Variants in DCDC1 observed in about 807,000 individuals in gnomAD.
DCDC1 encodes doublecortin domain-containing protein 1.
Under a neutral mutation model 178.3 loss-of-function variants are expected in DCDC1, and 200 were observed. That is an observed-to-expected ratio of 1.12 (90% confidence interval 1.00 to 1.26). The LOEUF (loss-of-function observed/expected upper bound fraction) is 1.26, where lower values mean the gene tolerates loss of function less well. Ranked by LOEUF, DCDC1 falls within the 50% of genes most tolerant of loss-of-function variation. The probability of loss-of-function intolerance (pLI) is 0.00; values close to 1 mark genes in which losing one functional copy is unlikely to be tolerated. For missense variants in DCDC1, 1,983 were observed against 1,749.2 expected, an observed-to-expected ratio of 1.13 and a Z score of -2.38; for synonymous variants, 690 against 604.8, an observed-to-expected ratio of 1.14 and a Z score of -2.07.
At chr11:30,895,091 T>G (rs1031305400) in intron 34 of DCDC1, among the ~76,000 whole-genome samples, 3 of 152,252 alleles carry the variant, frequency 2.0e-5, no homozygotes, top group Admixed American at 2.0e-4. Context: ...TTTCTTTTTC[T>G]GTGTTGAAGA....
intron 1 of DCDC1, among the ~76,000 whole-genome samples, chr11:31,347,378 A>G (rs1950868050): frequency 6.6e-6 from 1 of 152,192 alleles, no homozygotes; most frequent in South Asian, 2.1e-4. Context: ...ATTAGTTCAA[A>G]ATCCCAAATT....
chr11:30,888,150 G>GAAAGAAAGAA (rs1554959156), intron 36 of DCDC1, among the ~76,000 whole-genome samples: 89 of 135,022 alleles, frequency 6.6e-4, no homozygotes, highest in African/African-American at 2.8e-3. Context: ...AAGAAAGAAA[G>GAAAGAAAGAA]AAAGAAAGAA....
At chr11:30,979,410 C>A (rs1420333713) in intron 20 of DCDC1, among the ~76,000 whole-genome samples, 1 of 152,156 alleles carries the variant, frequency 6.6e-6, no homozygotes, top group Non-Finnish European at 1.5e-5. Flanking sequence ...TTGCATAAAT[C>A]TTGCATTTCT....
chr11:31,106,992 G>C (rs1453829474), intron 12 of DCDC1, 32 bp from the exon 13 acceptor site: 1 of 736,910 alleles, frequency 1.4e-6, no homozygotes, highest in East Asian at 2.4e-5. Context: ...AGAGGGGATA[G>C]AGGAGAATAA....
chr11:30,894,780 C>T (rs970295682), intron 34 of DCDC1, among the ~76,000 whole-genome samples: 2 of 152,126 alleles, frequency 1.3e-5, no homozygotes, highest in Admixed American at 6.5e-5. Context: ...AAGCCTTTCC[C>T]CCACAATTAG....
In DCDC1 at chr11:31,073,395, A is replaced by T. The variant is rs530223782; in HGVS notation, c.2298+4470T>A. On this transcript the variant is annotated intron_variant, in intron 18 of 38. Coordinates refer to ENST00000684477, the MANE Select transcript of DCDC1 (RefSeq NM_001387274.1). ...AGGCACCTAAATTTGGGGAAAAAAAATGAGAAAGTACACTTAAAACTTGAT... is the reference window on the plus strand; with the variant it reads ...AGGCACCTAAATTTGGGGAAAAAAATTGAGAAAGTACACTTAAAACTTGAT... Among the ~76,000 whole-genome samples, 6 of 152,262 alleles carry T rather than the reference A, an allele frequency of 3.9e-5. No homozygotes were observed. The South Asian group carries it at 1.2e-3, about 32-fold the overall frequency.
chr11:30,912,337 G>A lies in DCDC1; in HGVS notation c.3654-917C>T, dbSNP rs147689799. On this transcript the variant is annotated intron_variant, in intron 27 of 38. Coordinates refer to ENST00000684477, the MANE Select transcript of DCDC1 (RefSeq NM_001387274.1). ...TTCACTCTGTCACCCGGGTTGGAGT[G>A]CAGTGTCATGATCTCAACTCACTGC... Among the ~76,000 whole-genome samples the A allele has an allele frequency of 7.2e-5, 11 of 151,778 alleles. No individual in the cohort carries two copies. In the East Asian group the frequency reaches 1.9e-3, roughly 27 times the overall value.
chr11:30,981,523 A>C (rs1300048380), intron 20 of DCDC1, among the ~76,000 whole-genome samples: 1 of 152,134 alleles, frequency 6.6e-6, no homozygotes, highest in Non-Finnish European at 1.5e-5. Flanking sequence ...ATTATATGCC[A>C]ATTTATATTT....
At chr11:30,873,188 A>G (rs1162079120) in intron 38 of DCDC1, among the ~76,000 whole-genome samples, 1 of 151,092 alleles carries the variant, frequency 6.6e-6, no homozygotes, top group African/African-American at 2.4e-5. Context: ...GCTAGCTTAG[A>G]GGGTGGGGTA....
intron 9 of DCDC1, among the ~76,000 whole-genome samples, chr11:31,192,259 CT>C (rs1028756900): frequency 2.0e-5 from 3 of 152,086 alleles, no homozygotes; most frequent in African/African-American, 7.2e-5. Context: ...GTATTGACAA[CT>C]TTTTTTCCTA....
intron 1 of DCDC1, among the ~76,000 whole-genome samples, chr11:31,351,717 T>A (rs1429194192): frequency 6.6e-6 from 1 of 152,176 alleles, no homozygotes; most frequent in African/African-American, 2.4e-5. Context: ...AATTTCATTT[T>A]ATTTTGCATA....
intron 20 of DCDC1, among the ~76,000 whole-genome samples, chr11:30,964,822 C>A (rs1373076623): frequency 6.6e-6 from 1 of 152,082 alleles, no homozygotes. Context: ...GGCCAATAGG[C>A]AGAATGAAAT....
At chr11:31,305,585 G>A in intron 6 of DCDC1, 30 bp downstream of exon 6, 1 of 1,610,320 alleles carries the variant, frequency 6.2e-7, no homozygotes, top group African/African-American at 1.3e-5. Context: ...AGTATGTGTG[G>A]GGGTAGGGTA....
At chr11:31,269,566 G>T (rs1212751883) in intron 7 of DCDC1, among the ~76,000 whole-genome samples, 3 of 151,720 alleles carry the variant, frequency 2.0e-5, no homozygotes, top group African/African-American at 7.3e-5. Flanking sequence ...TTTAATTTTT[G>T]TAGAGATGGG....
At position 31,362,860 on chromosome 11, in the gene DCDC1, A is replaced by G. The variant is rs528364243; in HGVS notation, c.-125+6837T>C. ...ATTGCAGAAATCCCTTTAGCATACA[A>G]GACCTGTTTTTCTCAGTCTCTAACT... On this transcript the variant is annotated intron_variant, in intron 1 of 38. Transcript: ENST00000684477. Among the ~76,000 whole-genome samples, 100 of 152,270 alleles carry G rather than the reference A, an allele frequency of 6.6e-4. 4 individuals carry two copies. The South Asian group carries it at 0.02, about 31-fold the overall frequency.
chr11:31,106,952 G>A lies in DCDC1; in HGVS notation c.1596C>T (p.Leu532=), dbSNP rs1211977974. Residue 532 remains leucine (L), a synonymous_variant, in exon 13 of 39, where the codon CTC becomes CTT. Transcript: ENST00000684477. ...QTDHMMERLL[L]KIHQRLQGSS... ...AACCTTGAAGCCTTTGATGAATCTT[G>A]AGAAGTAACTGGTTGGGGGTTAGAG... The A allele has an allele frequency of 1.3e-6, 1 of 765,012 alleles. No homozygotes were observed. The highest frequency in any genetic ancestry group is 2.4e-6 in the Non-Finnish European group (1 of 417,526). 47.4% of individuals were successfully genotyped at this position (765,012 alleles called of 1,614,324 possible).
At chr11:31,327,072 C>G (rs1024448596) in intron 3 of DCDC1, among the ~76,000 whole-genome samples, 6 of 152,152 alleles carry the variant, frequency 3.9e-5, no homozygotes, top group Non-Finnish European at 8.8e-5. Context: ...GTTGTGTAAG[C>G]TTAGTCAAGT....
chr11:31,095,318 G>A (rs951988256), intron 15 of DCDC1, among the ~76,000 whole-genome samples: 1 of 152,068 alleles, frequency 6.6e-6, no homozygotes. Context: ...TGGGATTGCT[G>A]GGTCAATGGC....
chr11:31,049,380 T>C (rs1013967455), intron 20 of DCDC1, among the ~76,000 whole-genome samples: 1 of 152,188 alleles, frequency 6.6e-6, no homozygotes, highest in African/African-American at 2.4e-5. Context: ...GTATACATTT[T>C]TATTTTCAAG....
Sources: gnomAD v4.1 joint callset for allele counts (sites outside exome capture counted in the v4.1 genomes callset) on GRCh38, gnomAD v4.1.1 for gene constraint, MANE v1.5 for transcripts, NCBI Gene and HGNC (gene_info 2026-07-23, HGNC 2026-07-21) for gene names.